PARD3: variants seen among roughly 807,000 people sequenced by gnomAD.
PARD3 encodes the protein par-3 family cell polarity regulator.
In PARD3, 75 loss-of-function variants were observed where a neutral mutation model predicts 155.4. The ratio of observed to expected loss-of-function variants is 0.48; its 90% CI spans 0.40 to 0.58. PARD3 has a LOEUF of 0.58. PARD3 is among the 20% of genes least tolerant of loss of function. The probability of loss-of-function intolerance (pLI) is 0.00; values close to 1 mark genes in which losing one functional copy is unlikely to be tolerated. For missense variants in PARD3, 1,642 were observed against 1,721.7 expected, an observed-to-expected ratio of 0.95 and a Z score of 0.82; for synonymous variants, 576 against 610.5, an observed-to-expected ratio of 0.94 and a Z score of 0.83.
chr10:34,782,084 T>G (rs1378504609), intron 1 of PARD3, among the ~76,000 whole-genome samples: 1 of 152,030 alleles, frequency 6.6e-6, no homozygotes, highest in African/African-American at 2.4e-5. Context: ...AAGTGCACTT[T>G]GACCCAATTT....
intron 18 of PARD3, among the ~76,000 whole-genome samples, chr10:34,332,519 AC>A (rs1277546617): frequency 6.6e-6 from 1 of 152,254 alleles, no homozygotes; most frequent in Admixed American, 6.5e-5. Context: ...AATAGTTGTG[AC>A]ATAGGCTTTT....
At chr10:34,674,478 ATTT>A (rs11402018) in intron 2 of PARD3, among the ~76,000 whole-genome samples, 1,452 of 79,474 alleles carry the variant, frequency 0.018, 16 homozygotes, top group African/African-American at 0.065. Flanking sequence ...CACGCTCTTG[ATTT>A]TTTTTTTTTT....
chr10:34,729,918 G>A (rs567767762), intron 1 of PARD3, among the ~76,000 whole-genome samples: 6 of 152,036 alleles, frequency 3.9e-5, no homozygotes, highest in South Asian at 2.1e-4. Flanking sequence ...CCTTCCTTCC[G>A]ATAAAAACAC....
chr10:34,294,508 T>C (rs1956817137), intron 20 of PARD3, among the ~76,000 whole-genome samples: 1 of 152,240 alleles, frequency 6.6e-6, no homozygotes. Flanking sequence ...ATCTGTAAAG[T>C]TAAGGTGACC....
chr10:34,536,203 C>CA (rs946082130), intron 2 of PARD3, among the ~76,000 whole-genome samples: 13 of 150,248 alleles, frequency 8.7e-5, no homozygotes, highest in Admixed American at 2.0e-4. Flanking sequence ...TTCAGTATAA[C>CA]AAAAAAAAAA....
chr10:34,423,539 A>G (rs1347771976), intron 5 of PARD3, among the ~76,000 whole-genome samples: 1 of 152,212 alleles, frequency 6.6e-6, no homozygotes, highest in African/African-American at 2.4e-5. Context: ...GCCATTCCAT[A>G]ATGTATATAT....
chr10:34,763,992 C>T (rs1200061254), intron 1 of PARD3, among the ~76,000 whole-genome samples: 1 of 152,200 alleles, frequency 6.6e-6, no homozygotes, highest in Non-Finnish European at 1.5e-5. Flanking sequence ...TAAATAGGCA[C>T]TGGTTCCCAA....
chr10:34,630,458 T>C (rs1298128843), intron 2 of PARD3, among the ~76,000 whole-genome samples: 1 of 151,158 alleles, frequency 6.6e-6, no homozygotes, highest in African/African-American at 2.4e-5. Context: ...TTTTTTTTTT[T>C]TTCTTCCGGA....
intron 20 of PARD3, among the ~76,000 whole-genome samples, chr10:34,285,201 TTAAAG>T (rs1377216111): frequency 2.0e-5 from 3 of 152,186 alleles, no homozygotes; most frequent in Non-Finnish European, 2.9e-5. Context: ...TCAGAAATAA[TTAAAG>T]TATATTGAGT....
At chr10:34,678,121 T>C (rs1313125813) in intron 2 of PARD3, among the ~76,000 whole-genome samples, 1 of 152,328 alleles carries the variant, frequency 6.6e-6, no homozygotes, top group African/African-American at 2.4e-5. Flanking sequence ...TCACCAAGGC[T>C]GGAATGCAGT....
intron 20 of PARD3, among the ~76,000 whole-genome samples, chr10:34,285,313 A>ACTTTGGGAGGCTGAGG (rs1025727677): frequency 3.9e-5 from 6 of 152,174 alleles, no homozygotes; most frequent in Non-Finnish European, 4.4e-5. Context: ...TAATTCTAGC[A>ACTTTGGGAGGCTGAGG]CTTTGGGAGG....
At chr10:34,287,701 T>C (rs1589061097) in intron 20 of PARD3, among the ~76,000 whole-genome samples, 2 of 152,228 alleles carry the variant, frequency 1.3e-5, no homozygotes, top group African/African-American at 2.4e-5. Context: ...CTCATATATA[T>C]ATGAACTCAG....
chr10:34,448,876 TACAC>T (rs2132762023), intron 5 of PARD3, among the ~76,000 whole-genome samples: 1 of 151,508 alleles, frequency 6.6e-6, no homozygotes, highest in Non-Finnish European at 1.5e-5. Context: ...TCACCACACA[TACAC>T]ACAAAATTAT....
rs142572054 is a variant in PARD3, at chr10:34,110,248, T to C, written c.*921A>G. ...GATCAAAATGACTGTCTGGTTTATC[T>C]CTGTCCCATTCTGTGCCCTTCCTGA... On this transcript the variant is annotated 3_prime_UTR_variant, in exon 25 of 25. Coordinates refer to ENST00000374788, the MANE Select transcript of PARD3 (RefSeq NM_001184785.2). 6.6e-6 allele frequency: 1 copy of C among 152,358 alleles called. No individual in the cohort carries two copies. Among genetic ancestry groups the C allele is most frequent in the East Asian group, 1.9e-4 (1 of 5,182 alleles). 9.4% of individuals were successfully genotyped at this position (152,358 alleles called of 1,614,324 possible).
At chr10:34,656,816 G>C (rs774780216) in intron 2 of PARD3, among the ~76,000 whole-genome samples, 2 of 152,316 alleles carry the variant, frequency 1.3e-5, no homozygotes, top group Admixed American at 6.5e-5. Flanking sequence ...ACTCCCTGCT[G>C]TCCTCACTGC....
chr10:34,625,669 T>C (rs1052442930), intron 2 of PARD3, among the ~76,000 whole-genome samples: 5 of 152,134 alleles, frequency 3.3e-5, no homozygotes, highest in East Asian at 1.9e-4. Context: ...TCCCAGCACT[T>C]TGGGAGGCTG....
intron 2 of PARD3, among the ~76,000 whole-genome samples, chr10:34,642,316 A>G (rs2092703894): frequency 6.6e-6 from 1 of 152,012 alleles, no homozygotes; most frequent in Admixed American, 6.5e-5. Flanking sequence ...GAATCTTTCT[A>G]AAAACATTCT....
intron 22 of PARD3, among the ~76,000 whole-genome samples, chr10:34,219,733 C>T (rs1206174090): frequency 1.3e-5 from 2 of 152,184 alleles, no homozygotes; most frequent in Non-Finnish European, 2.9e-5. Flanking sequence ...TTGTCCCCAT[C>T]AAAAATCACT....
intron 20 of PARD3, chr10:34,312,115 A>G: frequency 1.5e-6 from 1 of 649,078 alleles, no homozygotes. Flanking sequence ...AAGGAAAGAG[A>G]AAAAAACACG....
Sources: allele counts gnomAD v4.1 joint callset (sites outside exome capture counted in the v4.1 genomes callset), GRCh38; gene constraint gnomAD v4.1.1; transcripts MANE v1.5; gene names NCBI Gene and HGNC (gene_info 2026-07-23, HGNC 2026-07-21).